Variants in PAIP2B observed in about 807,000 individuals in gnomAD.
The protein encoded by PAIP2B is polyadenylate-binding protein-interacting protein 2B.
In PAIP2B, 13 loss-of-function variants were observed where a neutral mutation model predicts 17.0. That is an observed-to-expected ratio of 0.76 (90% CI 0.50 to 1.22). The LOEUF is 1.22. Among genes scored for constraint, PAIP2B ranks in the 50% most tolerant of loss-of-function variants. PAIP2B has a pLI of 0.00. For missense variants in PAIP2B, 117 were observed against 144.5 expected (o/e 0.81, Z 0.98); for synonymous variants, 43 against 48.7 (o/e 0.88, Z 0.48).
rs1355215277 is a variant in PAIP2B, at chr2:71,184,800, C to T, written c.*3679G>A. ...ACCCACTTCGCAAACTAATGACGTC[C>T]GCGTTATCCCAGAGGAGAGTGGCTA... On this transcript the variant is annotated 3_prime_UTR_variant, in exon 4 of 4. Transcript: ENST00000244221. 6.6e-6 allele frequency: 1 copy of T among 151,762 alleles called. No individual in the cohort carries two copies. Among genetic ancestry groups the T allele is most frequent in the Non-Finnish European group, 1.5e-5 (1 of 68,000 alleles). The allele number at this position is 151,762 out of a possible 1,614,324, so 9.4% of individuals were successfully genotyped here. A position where few individuals can be genotyped will look rare whatever the true frequency, so the allele number is the denominator to read the frequency against.
intron 1 of PAIP2B, among the ~76,000 whole-genome samples, chr2:71,217,841 GA>G (rs1241858477): frequency 2.0e-5 from 3 of 151,948 alleles, no homozygotes; most frequent in African/African-American, 7.3e-5. Context: ...GCCAAGGGGG[GA>G]GATTACTTGA....
At position 71,183,675 on chromosome 2, in the gene PAIP2B, C is replaced by G. The variant is rs1558767778; in HGVS notation, c.*4804G>C. On this transcript the variant is annotated 3_prime_UTR_variant, in exon 4 of 4. Coordinates refer to ENST00000244221, the MANE Select transcript of PAIP2B (RefSeq NM_020459.1). ...ACATTAGCTAAGTAAAAAAGCCAGA[C>G]CCAAGGGACCACATATTGTATGATT... The G allele has an allele frequency of 6.6e-6, 1 of 152,120 alleles. No individual in the cohort carries two copies. Among genetic ancestry groups the G allele is most frequent in the Non-Finnish European group, 1.5e-5 (1 of 68,028 alleles). The allele number at this position is 152,120 out of a possible 1,614,324, so 9.4% of individuals were successfully genotyped here. A position where few individuals can be genotyped will look rare whatever the true frequency, so the allele number is the denominator to read the frequency against.
rs781353885 is a variant in PAIP2B at position 71,212,921 on chromosome 2, A to AT, written c.-11-10322dup. 7.4e-3 allele frequency among the ~76,000 whole-genome samples: 1,009 copies of AT among 136,554 alleles called. 6 individuals carry two copies. The highest frequency in any genetic ancestry group is 9.2e-3 in the Non-Finnish European group (582 of 63,376). 89.6% of individuals were successfully genotyped at this position (136,554 alleles called of 152,430 possible). On this transcript the variant is annotated intron_variant, in intron 1 of 3. Transcript: ENST00000244221. ...GGTGTACACCACCAGGCATGGCTAA[A>AT]TTTTTTTTTTTTTTAGAGAAGGGGT... is the stretch of plus-strand genomic sequence containing the variant.
At chr2:71,210,456 A>G (rs375005679) in intron 1 of PAIP2B, among the ~76,000 whole-genome samples, 1 of 152,242 alleles carries the variant, frequency 6.6e-6, no homozygotes. Context: ...AAGTTTTCCT[A>G]TATTGACCTC....
At chr2:71,203,174 C>T (rs1158367946) in intron 1 of PAIP2B, among the ~76,000 whole-genome samples, 1 of 152,062 alleles carries the variant, frequency 6.6e-6, no homozygotes, top group Non-Finnish European at 1.5e-5. Flanking sequence ...TTTGTGTATA[C>T]ACAAACATAC....
chr2:71,217,546 G>A (rs920199336), intron 1 of PAIP2B, among the ~76,000 whole-genome samples: 2 of 152,178 alleles, frequency 1.3e-5, no homozygotes, highest in African/African-American at 4.8e-5. Context: ...TTCTTTCAAA[G>A]CCTCTACCCA....
chr2:71,215,784 T>C (rs2103816174), intron 1 of PAIP2B, among the ~76,000 whole-genome samples: 1 of 152,340 alleles, frequency 6.6e-6, no homozygotes, highest in South Asian at 2.1e-4. Context: ...TATCTTTGTC[T>C]GTGCTGACAA....
chr2:71,202,998 T>G (rs1460938138), intron 1 of PAIP2B, among the ~76,000 whole-genome samples: 1 of 152,170 alleles, frequency 6.6e-6, no homozygotes, highest in Non-Finnish European at 1.5e-5. Flanking sequence ...CACCTACTCC[T>G]TATTCTAATT....
chr2:71,189,837 GCT>G lies in PAIP2B; in HGVS notation c.315+6_315+7del. The G allele has an allele frequency of 4.5e-6, 7 of 1,547,658 alleles. No homozygotes were observed. Among genetic ancestry groups the G allele is most frequent in the Non-Finnish European group, 6.1e-6 (7 of 1,144,738 alleles). On this transcript the variant is annotated splice_donor_region_variant and intron_variant, in intron 3 of 3. Coordinates refer to ENST00000244221, the MANE Select transcript of PAIP2B (RefSeq NM_020459.1). ...TACATAACCTGGGGAACTACATATG[GCT>G]CTTACCAAAATATCTTCAGAATCAT... is the stretch of plus-strand genomic sequence containing the variant.
intron 1 of PAIP2B, among the ~76,000 whole-genome samples, chr2:71,226,679 G>C (rs1438476886): frequency 1.3e-5 from 2 of 152,150 alleles, no homozygotes; most frequent in African/African-American, 2.4e-5. Context: ...ACCTGTGCGG[G>C]GGGGAAAGGG....
At chr2:71,198,886 G>C (rs13024389) in intron 2 of PAIP2B, among the ~76,000 whole-genome samples, 10,134 of 152,148 alleles carry the variant, frequency 0.067, 378 homozygotes, top group African/African-American at 0.092. Flanking sequence ...TTCAGCTCCT[G>C]TATCACTTTA....
chr2:71,208,846 T>C (rs1675214502), intron 1 of PAIP2B, among the ~76,000 whole-genome samples: 1 of 152,156 alleles, frequency 6.6e-6, no homozygotes, highest in Non-Finnish European at 1.5e-5. Flanking sequence ...AAGGAATGCC[T>C]GCAGCCATCA....
At chr2:71,195,265 T>C (rs1007541015) in intron 2 of PAIP2B, among the ~76,000 whole-genome samples, 1 of 152,236 alleles carries the variant, frequency 6.6e-6, no homozygotes, top group Non-Finnish European at 1.5e-5. Flanking sequence ...TCCCTCCTCC[T>C]CAATTTTTTA....
At chr2:71,197,669 C>T (rs879446770) in intron 2 of PAIP2B, among the ~76,000 whole-genome samples, 4 of 152,176 alleles carry the variant, frequency 2.6e-5, no homozygotes, top group Non-Finnish European at 5.9e-5. Context: ...AGGAGGTTTA[C>T]TGAACTTATA....
intron 1 of PAIP2B, 28 bp downstream of exon 1, chr2:71,226,900 C>T (rs1022477063): frequency 3.9e-5 from 6 of 152,668 alleles, no homozygotes; most frequent in African/African-American, 1.4e-4. Flanking sequence ...CGAGTCCTTT[C>T]CCCAGCAGCC....
At chr2:71,196,290 T>C (rs1054259974) in intron 2 of PAIP2B, among the ~76,000 whole-genome samples, 2 of 152,166 alleles carry the variant, frequency 1.3e-5, no homozygotes, top group Admixed American at 1.3e-4. Context: ...CATTCAGGAG[T>C]ATGTTGTCTA....
rs886355612 is a variant in PAIP2B, at chr2:71,186,477, A to G, written c.*2002T>C. 4.6e-5 allele frequency: 7 copies of G among 152,270 alleles called. No individual in the cohort carries two copies. The highest frequency in any genetic ancestry group is 1.0e-4 in the Non-Finnish European group (7 of 68,050). The allele number at this position is 152,270 out of a possible 1,614,324, so 9.4% of individuals were successfully genotyped here. A position where few individuals can be genotyped will look rare whatever the true frequency, so the allele number is the denominator to read the frequency against. On this transcript the variant is annotated 3_prime_UTR_variant, in exon 4 of 4. Transcript: ENST00000244221. Reference sequence around the variant, plus strand: ...AGACTGACATCCAAAACAGACCAGCACAGCAGAAGGAAAGACAAGCTCCTT... The same window carrying G: ...AGACTGACATCCAAAACAGACCAGCGCAGCAGAAGGAAAGACAAGCTCCTT...
intron 1 of PAIP2B, among the ~76,000 whole-genome samples, chr2:71,217,856 C>A (rs1675468144): frequency 6.6e-6 from 1 of 152,056 alleles, no homozygotes; most frequent in South Asian, 2.1e-4. Context: ...TACTTGAAGT[C>A]GGGAATTCAG....
At chr2:71,211,602 G>GA (rs11376681) in intron 1 of PAIP2B, among the ~76,000 whole-genome samples, 70,409 of 133,466 alleles carry the variant, frequency 0.53, 18,283 homozygotes, top group Middle Eastern at 0.63. Flanking sequence ...AATGCTCTTT[G>GA]AAAAAAAAAA....
Sources: gnomAD v4.1 joint callset for allele counts (sites outside exome capture counted in the v4.1 genomes callset) on GRCh38, gnomAD v4.1.1 for gene constraint, MANE v1.5 for transcripts, NCBI Gene and HGNC (gene_info 2026-07-23, HGNC 2026-07-21) for gene names.